Variants in SND1 observed in about 807,000 individuals in gnomAD.
The protein encoded by SND1 is staphylococcal nuclease and tudor domain containing 1, also known as staphylococcal nuclease domain-containing protein 1.
A neutral mutation model predicts 121.7 loss-of-function variants in SND1; 38 were observed. The observed-to-expected ratio is 0.31, with a 90% confidence interval of 0.24 to 0.41. The LOEUF is 0.41. Among genes scored for constraint, SND1 ranks in the 10% least tolerant of loss-of-function variants. The pLI is 1.00. For missense variants in SND1, 868 were observed against 1,184.6 expected, an observed-to-expected ratio of 0.73 and a Z score of 3.92; for synonymous variants, 401 against 447.4, an observed-to-expected ratio of 0.90 and a Z score of 1.31.
rs1395075505 is a variant in SND1, at chr7:128,052,630, C to T, written c.1780-21872C>T. Among the ~76,000 whole-genome samples the T allele has an allele frequency of 6.6e-6, 1 of 152,216 alleles. No individual in the cohort carries two copies. The highest frequency in any genetic ancestry group is 6.5e-5 in the Admixed American group (1 of 15,284). On this transcript the variant is annotated intron_variant, in intron 16 of 23. Coordinates refer to ENST00000354725, the MANE Select transcript of SND1 (RefSeq NM_014390.4). The surrounding 1 kb of genome is among the most constrained non-coding windows in gnomAD (Gnocchi z 4.6). ...ATCGATGCCTGTCAGAGCTCAGCAT[C>T]AGAGTGACAGCTGCATACCAGGCTG...
At chr7:127,701,351 G>A (rs987594025) in intron 5 of SND1, 28 bp downstream of exon 5, 6 of 1,599,106 alleles carry the variant, frequency 3.8e-6, no homozygotes, top group East Asian at 4.5e-5. Flanking sequence ...AGACAGATAC[G>A]ACTCAGGGTG....
chr7:127,906,755 G>A (rs1342949477), intron 14 of SND1, among the ~76,000 whole-genome samples: 2 of 152,070 alleles, frequency 1.3e-5, no homozygotes, highest in African/African-American at 4.8e-5. Flanking sequence ...CAGTCTCAGG[G>A]TTGTCCTCTC....
chr7:127,743,706 C>T (rs1438100513), intron 10 of SND1, among the ~76,000 whole-genome samples: 1 of 152,130 alleles, frequency 6.6e-6, no homozygotes, highest in Non-Finnish European at 1.5e-5. Context: ...TGGTTTCTGG[C>T]TCTTGGAAGA....
At chr7:127,895,975 T>G (rs531016671) in intron 13 of SND1, among the ~76,000 whole-genome samples, 62 of 152,222 alleles carry the variant, frequency 4.1e-4, no homozygotes, top group Admixed American at 3.5e-3. Context: ...GCTGACGCCC[T>G]TTAGCTTTAT....
chr7:127,788,066 G>A (rs1165312192), intron 10 of SND1, among the ~76,000 whole-genome samples: 1 of 152,148 alleles, frequency 6.6e-6, no homozygotes, highest in Non-Finnish European at 1.5e-5. Context: ...TTACAATGTG[G>A]CATGTTTTCC....
intron 16 of SND1, among the ~76,000 whole-genome samples, chr7:128,066,004 A>G (rs1002135145): frequency 6.6e-6 from 1 of 152,218 alleles, no homozygotes; most frequent in African/African-American, 2.4e-5. Flanking sequence ...GGGAAGATGA[A>G]CAGTCTGCTT....
At chr7:128,054,873 G>A (rs1793109473) in intron 16 of SND1, among the ~76,000 whole-genome samples, 1 of 152,214 alleles carries the variant, frequency 6.6e-6, no homozygotes, top group South Asian at 2.1e-4. Context: ...AAAATGGGCT[G>A]ATGAATGTAT....
chr7:127,897,291 T>C (rs1417236894), intron 13 of SND1, among the ~76,000 whole-genome samples: 1 of 152,148 alleles, frequency 6.6e-6, no homozygotes, highest in Non-Finnish European at 1.5e-5. Context: ...ATAGCTCACA[T>C]TGGAAAACCA....
chr7:127,884,086 CA>C (rs1799848406), intron 12 of SND1, among the ~76,000 whole-genome samples: 1 of 152,078 alleles, frequency 6.6e-6, no homozygotes, highest in Non-Finnish European at 1.5e-5. Flanking sequence ...TCATTTTATT[CA>C]AACAGTTATA....
At chr7:127,658,070 C>G (rs1281687794) in intron 1 of SND1, among the ~76,000 whole-genome samples, 2 of 152,076 alleles carry the variant, frequency 1.3e-5, no homozygotes, top group African/African-American at 4.8e-5. Flanking sequence ...TCCCTGTAAT[C>G]CCAGGCCGAA....
At chr7:127,953,156 G>C (rs1398795492) in intron 15 of SND1, among the ~76,000 whole-genome samples, 19 of 2,180 alleles carry the variant, frequency 8.7e-3, no homozygotes, top group Non-Finnish European at 0.014. Context: ...AAGACCGTGT[G>C]TGTGTGTGTG....
chr7:128,003,337 C>T (rs542074549), intron 16 of SND1, among the ~76,000 whole-genome samples: 4 of 152,246 alleles, frequency 2.6e-5, no homozygotes, highest in South Asian at 4.1e-4. Flanking sequence ...CCTCTTGAAC[C>T]GAGAATGAAA....
At chr7:127,793,311 G>A (rs1309592670) in intron 10 of SND1, among the ~76,000 whole-genome samples, 1 of 152,144 alleles carries the variant, frequency 6.6e-6, no homozygotes, top group East Asian at 1.9e-4. Flanking sequence ...ATGTGATATC[G>A]GGCGTGTTAT....
intron 12 of SND1, among the ~76,000 whole-genome samples, chr7:127,881,671 C>T (rs1799792770): frequency 6.6e-6 from 1 of 152,174 alleles, no homozygotes; most frequent in Admixed American, 6.5e-5. Context: ...CATTGAAAAG[C>T]TCGCTCTGCC....
chr7:127,668,527 C>A (rs1430967119), intron 1 of SND1, among the ~76,000 whole-genome samples: 2 of 152,294 alleles, frequency 1.3e-5, no homozygotes, highest in African/African-American at 4.8e-5. Flanking sequence ...GAGCCCAGAA[C>A]AAGACCAGGA....
chr7:127,968,106 TC>T (rs954352706), intron 15 of SND1, among the ~76,000 whole-genome samples: 30 of 152,314 alleles, frequency 2.0e-4, no homozygotes, highest in African/African-American at 7.2e-4. Flanking sequence ...CTCCACCATT[TC>T]CTCTCTCTCC....
At chr7:127,758,099 AATTAATGTTATTAC>A (rs1165365775) in intron 10 of SND1, among the ~76,000 whole-genome samples, 3 of 152,238 alleles carry the variant, frequency 2.0e-5, no homozygotes, top group African/African-American at 7.2e-5. Context: ...GAGAAAGTTA[AATTAATGTTATTAC>A]ATAGAAGTGA....
rs553156056 is a variant in SND1, at chr7:127,767,148, G to A, written c.1153-40336G>A. ...TCTCATTTTTGTTCATTTGTTGATGGCATTCCTTTATCTTTGGGACATTTT... is the reference window on the plus strand; with the variant it reads ...TCTCATTTTTGTTCATTTGTTGATGACATTCCTTTATCTTTGGGACATTTT... On this transcript the variant is annotated intron_variant, in intron 10 of 23. Transcript: ENST00000354725. Among the ~76,000 whole-genome samples the A allele has an allele frequency of 3.9e-5, 6 of 152,232 alleles. No individual in the cohort carries two copies. In the South Asian group the frequency reaches 1.2e-3, roughly 32 times the overall value.
intron 15 of SND1, among the ~76,000 whole-genome samples, chr7:127,978,073 C>T (rs933481000): frequency 6.6e-6 from 1 of 152,102 alleles, no homozygotes; most frequent in Non-Finnish European, 1.5e-5. Flanking sequence ...GATTACATGT[C>T]TGAGTTCTGC....
Sources: gnomAD v4.1 joint callset for allele counts (sites outside exome capture counted in the v4.1 genomes callset) on GRCh38, gnomAD v4.1.1 for gene constraint, Gnocchi (gnomAD v3.1) non-coding constraint, MANE v1.5 for transcripts, NCBI Gene and HGNC (gene_info 2026-07-23, HGNC 2026-07-21) for gene names.